HIP1: variants seen among roughly 807,000 people sequenced by gnomAD.
HIP1 encodes huntingtin interacting protein 1.
In HIP1, 65 loss-of-function variants were observed where a neutral mutation model predicts 147.6. The observed-to-expected ratio is 0.44, with a 90% confidence interval of 0.36 to 0.54. HIP1 has a LOEUF of 0.54. HIP1 is among the 20% of genes least tolerant of loss of function. HIP1 has a pLI of 0.00. For missense variants in HIP1, 1,061 were observed against 1,299.6 expected (o/e 0.82, Z 2.82); for synonymous variants, 479 against 504.0 (o/e 0.95, Z 0.67).
chr7:75,727,702 C>T (rs1412969099), intron 1 of HIP1, among the ~76,000 whole-genome samples: 3 of 151,810 alleles, frequency 2.0e-5, no homozygotes, highest in Non-Finnish European at 2.9e-5. Flanking sequence ...AAAAATTATC[C>T]GGGCATGGTG....
chr7:75,670,933 C>G (rs1235265073), intron 1 of HIP1, among the ~76,000 whole-genome samples: 1 of 151,828 alleles, frequency 6.6e-6, no homozygotes, highest in African/African-American at 2.4e-5. Flanking sequence ...CACCAGTCTA[C>G]TTTCTATCTC....
At chr7:75,711,960 G>A (rs1180107386) in intron 1 of HIP1, among the ~76,000 whole-genome samples, 1 of 152,140 alleles carries the variant, frequency 6.6e-6, no homozygotes, top group Non-Finnish European at 1.5e-5. Flanking sequence ...ACACTCATCT[G>A]GGGTTACTTT....
intron 1 of HIP1, among the ~76,000 whole-genome samples, chr7:75,603,048 T>C (rs1250782331): frequency 2.0e-5 from 3 of 151,254 alleles, no homozygotes; most frequent in Admixed American, 1.3e-4. Context: ...CACGAGAAGC[T>C]AGAAAGAATC....
intron 1 of HIP1, among the ~76,000 whole-genome samples, chr7:75,719,240 C>G (rs1446608088): frequency 2.0e-5 from 3 of 151,990 alleles, no homozygotes; most frequent in African/African-American, 7.2e-5. Context: ...CGTGGTGGCT[C>G]ATGCTTATAA....
At chr7:75,540,499 A>G (rs1362648940) in intron 29 of HIP1, among the ~76,000 whole-genome samples, 1 of 151,616 alleles carries the variant, frequency 6.6e-6, no homozygotes, top group Non-Finnish European at 1.5e-5. Context: ...AGTCCCAGCT[A>G]CTCAGGAGGC....
At chr7:75,602,303 CTTTTTTTTTT>C (rs67019261) in intron 1 of HIP1, among the ~76,000 whole-genome samples, 75 of 77,272 alleles carry the variant, frequency 9.7e-4, no homozygotes, top group South Asian at 8.5e-3. Flanking sequence ...ACCTGGCCAG[CTTTTTTTTTT>C]TTTTTTTTTT....
At chr7:75,719,714 C>G (rs1265642123) in intron 1 of HIP1, among the ~76,000 whole-genome samples, 1 of 152,128 alleles carries the variant, frequency 6.6e-6, no homozygotes, top group Non-Finnish European at 1.5e-5. Context: ...GCCACCACGC[C>G]TGGCCCTCCA....
At chr7:75,726,892 G>A (rs1801667378) in intron 1 of HIP1, among the ~76,000 whole-genome samples, 3 of 151,722 alleles carry the variant, frequency 2.0e-5, no homozygotes, top group Admixed American at 2.0e-4. Context: ...GGCCAGGCTG[G>A]TCTCGAACTC....
chr7:75,664,051 T>C (rs557239713), intron 1 of HIP1, among the ~76,000 whole-genome samples: 4 of 64,406 alleles, frequency 6.2e-5, no homozygotes, highest in Admixed American at 1.9e-4. Context: ...CATATATGTG[T>C]ATATACACAT....
intron 1 of HIP1, among the ~76,000 whole-genome samples, chr7:75,601,055 G>A (rs909699421): frequency 6.6e-6 from 1 of 151,996 alleles, no homozygotes; most frequent in Non-Finnish European, 1.5e-5. Flanking sequence ...ACTGTCCCCA[G>A]CCAGGAATTA....
At chr7:75,606,679 C>CAATG (rs1797237023) in intron 1 of HIP1, among the ~76,000 whole-genome samples, 1 of 152,082 alleles carries the variant, frequency 6.6e-6, no homozygotes, top group East Asian at 1.9e-4. Context: ...CCCGAAGGAA[C>CAATG]AATGAACAAT....
At position 75,592,479 on chromosome 7, in the gene HIP1, G is replaced by T; in HGVS notation, c.220C>A (p.Gln74Lys). The change falls in exon 3 of 31, where the codon CAG becomes AAG. Residue 74 changes from glutamine to lysine, a missense_variant. This residue lies in a region of HIP1 where 225 missense variants were observed against 292.9 expected (regional missense o/e 0.77). Transcript: ENST00000336926. ...CGGTTGACAACAGACCAGAAGGTCT[G>T]TGCCCCTTTCTCATGGTGGGTGCCC... ...ILGTHHEKGA[Q>K]TFWSVVNRLP... 3 of 1,611,288 alleles carry T rather than the reference G, an allele frequency of 1.9e-6. No homozygotes were observed. The highest frequency in any genetic ancestry group is 2.5e-6 in the Non-Finnish European group (3 of 1,179,442).
chr7:75,630,788 C>T lies in HIP1; in HGVS notation c.121-31541G>A, dbSNP rs182566560. 5.9e-5 allele frequency among the ~76,000 whole-genome samples: 9 copies of T among 152,262 alleles called. No homozygotes were observed. The East Asian group carries it at 7.7e-4, about 13-fold the overall frequency. ...CAACTACTAACAGGTCTGATTGCCC[C>T]GGCAGACTGAGCTCACCCAGCAGTG... On this transcript the variant is annotated intron_variant, in intron 1 of 30. Transcript: ENST00000336926.
intron 1 of HIP1, among the ~76,000 whole-genome samples, chr7:75,646,414 T>A (rs1031623701): frequency 2.0e-5 from 3 of 152,232 alleles, no homozygotes; most frequent in Non-Finnish European, 4.4e-5. Context: ...TGAGCAGCTG[T>A]GCAGTGCTTT....
rs919007782 is a variant in HIP1, at chr7:75,657,556, A to T, written c.121-58309T>A. The stretch of plus-strand genomic sequence containing the variant: ...AAAAAAAAAAAAAGCAATTAAATTT[A>T]AAAAAAAGAACAATATCATGTCCTT... On this transcript the variant is annotated intron_variant, in intron 1 of 30. Coordinates refer to ENST00000336926, the MANE Select transcript of HIP1 (RefSeq NM_005338.7). Among the ~76,000 whole-genome samples, 39 of 151,484 alleles carry T rather than the reference A, an allele frequency of 2.6e-4. 1 individual carries two copies. The highest frequency in any genetic ancestry group is 1.4e-3 in the East Asian group (7 of 5,182).
intron 7 of HIP1, among the ~76,000 whole-genome samples, chr7:75,576,841 T>C (rs1446115565): frequency 2.6e-5 from 4 of 152,186 alleles, no homozygotes; most frequent in African/African-American, 9.7e-5. Context: ...TGCTATCCAA[T>C]AGAATTCTAC....
At chr7:75,661,666 G>A (rs529823219) in intron 1 of HIP1, among the ~76,000 whole-genome samples, 2 of 151,766 alleles carry the variant, frequency 1.3e-5, no homozygotes, top group South Asian at 2.1e-4. Context: ...CAGTCCTGCC[G>A]AGATCCCCAA....
intron 12 of HIP1, 128 bp downstream of exon 12, chr7:75,561,945 C>A: frequency 3.1e-6 from 2 of 651,828 alleles, no homozygotes; most frequent in Non-Finnish European, 5.5e-6. Context: ...TTGCCCCCAA[C>A]CCTTCAAGAT....
chr7:75,592,038 G>A lies in HIP1; in HGVS notation c.384+18C>T, dbSNP rs782670654. 20 of 1,609,214 alleles carry A rather than the reference G, an allele frequency of 1.2e-5. 2 individuals carry two copies. In the South Asian group the frequency reaches 2.0e-4, roughly 16 times the overall value. On this transcript the variant is annotated intron_variant, in intron 4 of 30. Transcript: ENST00000336926. ...GAAAGGAGAAGCAGGTGGCTCCTGA[G>A]TACATCTCCAAACTCACCCACATCC...
Sources: allele counts gnomAD v4.1 joint callset (sites outside exome capture counted in the v4.1 genomes callset), GRCh38; gene constraint gnomAD v4.1.1; regional missense constraint gnomAD v4.1.1; transcripts MANE v1.5; gene names NCBI Gene and HGNC (gene_info 2026-07-23, HGNC 2026-07-21).